The following CHEK2 variants were observed in gnomAD, a reference collection of about 807,000 sequenced individuals.
The protein encoded by CHEK2 is checkpoint kinase 2.
In CHEK2, 71 loss-of-function variants were observed where a neutral mutation model predicts 69.1. That is an observed-to-expected ratio of 1.03 (90% CI 0.85 to 1.25). CHEK2 has a LOEUF of 1.25. Ranked by LOEUF, CHEK2 falls within the 50% of genes most tolerant of loss-of-function variation. The pLI is 0.00. For missense variants in CHEK2, 664 were observed against 649.6 expected, an observed-to-expected ratio of 1.02 and a Z score of -0.24; for synonymous variants, 189 against 226.9, an observed-to-expected ratio of 0.83 and a Z score of 1.50.
At chr22:28,690,455 C>G (rs1159192316) in intron 13 of CHEK2, among the ~76,000 whole-genome samples, 2 of 151,950 alleles carry the variant, frequency 1.3e-5, no homozygotes, top group East Asian at 3.9e-4. Context: ...ATGGTGAAAC[C>G]CCTTCTCTAC....
At chr22:28,690,500 C>T (rs1601706119) in intron 13 of CHEK2, among the ~76,000 whole-genome samples, 1 of 151,904 alleles carries the variant, frequency 6.6e-6, no homozygotes, top group Non-Finnish European at 1.5e-5. Flanking sequence ...TGGTAGTGCA[C>T]GCCTGTAATC....
At chr22:28,740,245 C>T (rs17881056) in intron 1 of CHEK2, among the ~76,000 whole-genome samples, 1,898 of 152,264 alleles carry the variant, frequency 0.012, 47 homozygotes, top group African/African-American at 0.043. Context: ...AATATGTACA[C>T]GCTTTTGTTA....
chr22:28,724,796 C>T (rs527640806), intron 4 of CHEK2, 181 bp downstream of exon 4: 22 of 684,554 alleles, frequency 3.2e-5, no homozygotes, highest in Middle Eastern at 3.9e-4. Flanking sequence ...GAACTCCTGA[C>T]CTCAGGTGAT....
intron 4 of CHEK2, among the ~76,000 whole-genome samples, chr22:28,722,038 T>G (rs2053804827): frequency 1.3e-5 from 2 of 152,110 alleles, no homozygotes; most frequent in East Asian, 1.9e-4. Context: ...CCTATAATTT[T>G]TATTTATCTA....
intron 5 of CHEK2, among the ~76,000 whole-genome samples, chr22:28,714,103 A>G (rs923996211): frequency 6.6e-5 from 10 of 152,304 alleles, no homozygotes; most frequent in African/African-American, 2.4e-4. Flanking sequence ...TATGCCCCAT[A>G]GAGCTCAGAT....
chr22:28,729,422 G>C (rs2054117768), intron 2 of CHEK2: 1 of 158,508 alleles, frequency 6.3e-6, no homozygotes, highest in African/African-American at 2.4e-5. Flanking sequence ...GGCGCCTGTA[G>C]TCCCAGCTAC....
At chr22:28,708,278 G>C (rs897870029) in intron 7 of CHEK2, among the ~76,000 whole-genome samples, 14 of 151,510 alleles carry the variant, frequency 9.2e-5, no homozygotes, top group African/African-American at 2.7e-4. Flanking sequence ...GTATCGCTTG[G>C]TCCCAGGAGT....
chr22:28,723,215 T>C lies in CHEK2; in HGVS notation c.592+1762A>G, dbSNP rs146186930. ...TGAGGCTGATAAACATCTCCACTTG[T>C]GCACGATAACCTTGTAGTATTTACA... On this transcript the variant is annotated intron_variant, in intron 4 of 14. Coordinates refer to ENST00000404276, the MANE Select transcript of CHEK2 (RefSeq NM_007194.4). Among the ~76,000 whole-genome samples, 1,135 of 152,322 alleles carry C rather than the reference T, an allele frequency of 7.5e-3. 16 individuals are homozygous for C. Among genetic ancestry groups the C allele is most frequent in the African/African-American group, 0.026 (1,094 of 41,588 alleles).
chr22:28,699,367 T>TC (rs1464755728), intron 9 of CHEK2, among the ~76,000 whole-genome samples: 7 of 130,204 alleles, frequency 5.4e-5, no homozygotes, highest in East Asian at 4.2e-4. Context: ...TTTTTCTTTT[T>TC]TTTTTTTTTT....
intron 2 of CHEK2, 137 bp downstream of exon 2, chr22:28,734,266 T>C: frequency 3.9e-6 from 3 of 767,938 alleles, no homozygotes; most frequent in Non-Finnish European, 6.6e-6. Flanking sequence ...CATTGCTTGT[T>C]CATGCATGAT....
At chr22:28,733,441 G>A (rs1174349927) in intron 2 of CHEK2, among the ~76,000 whole-genome samples, 1 of 152,178 alleles carries the variant, frequency 6.6e-6, no homozygotes, top group Non-Finnish European at 1.5e-5. Context: ...TGTTGAAAGA[G>A]TAAATGAACA....
intron 9 of CHEK2, among the ~76,000 whole-genome samples, chr22:28,699,509 C>T (rs1342346616): frequency 6.6e-6 from 1 of 151,790 alleles, no homozygotes; most frequent in East Asian, 1.9e-4. Context: ...GGACTACAGG[C>T]ACGCAACACT....
chr22:28,732,514 T>TG (rs1395310408), intron 2 of CHEK2, among the ~76,000 whole-genome samples: 1 of 152,200 alleles, frequency 6.6e-6, no homozygotes, highest in Non-Finnish European at 1.5e-5. Flanking sequence ...CTCAACGTGC[T>TG]GGGATTACAG....
intron 1 of CHEK2, among the ~76,000 whole-genome samples, chr22:28,738,817 A>G (rs1216344569): frequency 6.6e-6 from 1 of 152,212 alleles, no homozygotes; most frequent in East Asian, 1.9e-4. Context: ...TCATCAAGCT[A>G]AAAAGCTTCT....
In CHEK2 at chr22:28,734,620, C is replaced by T. The variant is rs1555932675; in HGVS notation, c.102G>A (p.Gln34=). The part of the protein sequence containing the change: ...SVTQSQGSSS[Q]SQGISSSSTS... Reference sequence around the variant, plus strand: ...TAGAGGAGCTGGATATGCCCTGGGACTGTGAGGAGGAGCCTTGGGACTGGG... The same window carrying T: ...TAGAGGAGCTGGATATGCCCTGGGATTGTGAGGAGGAGCCTTGGGACTGGG... Residue 34 remains glutamine (Q), a synonymous_variant, in exon 2 of 15, where the codon CAG becomes CAA. Transcript: ENST00000404276. 2 of 1,613,780 alleles carry T rather than the reference C, an allele frequency of 1.2e-6. No homozygotes were observed. Among genetic ancestry groups the T allele is most frequent in the Admixed American group, 1.7e-5 (1 of 59,956 alleles).
intron 2 of CHEK2, among the ~76,000 whole-genome samples, chr22:28,732,331 G>A (rs1050383323): frequency 2.6e-5 from 4 of 151,996 alleles, no homozygotes; most frequent in African/African-American, 7.3e-5. Flanking sequence ...GGCTGGTCTC[G>A]AACTCCCGAT....
chr22:28,725,534 C>T (rs974453404), intron 2 of CHEK2, among the ~76,000 whole-genome samples, 167 bp from the exon 3 acceptor site: 3 of 152,132 alleles, frequency 2.0e-5, no homozygotes, highest in Non-Finnish European at 2.9e-5. Flanking sequence ...GAAAAAACAA[C>T]ATTACCAATG....
intron 7 of CHEK2, among the ~76,000 whole-genome samples, chr22:28,705,003 A>T (rs1406893349): frequency 2.0e-5 from 3 of 152,030 alleles, no homozygotes; most frequent in Admixed American, 2.0e-4. Flanking sequence ...GTCAGAAAAG[A>T]CTTCAAAGAG....
chr22:28,696,941 T>G lies in CHEK2; in HGVS notation c.1055A>C (p.Asn352Thr). The change falls in exon 10 of 15, where the codon AAT (asparagine) becomes ACT (threonine). Residue 352 changes from asparagine (N) to threonine (T), a missense_variant. Transcript: ENST00000404276. ...GIIHRDLKPE[N>T]VLLSSQEEDC... ...CTCTTCTTGAGATGACAGTAAAACA[T>G]TCTCTGGCTTTAAGTCACGGTGTAT... is the stretch of plus-strand genomic sequence containing the variant. 6.2e-7 allele frequency: 1 copy of G among 1,613,612 alleles called. No individual in the cohort carries two copies. Among genetic ancestry groups the G allele is most frequent in the Non-Finnish European group, 8.5e-7 (1 of 1,179,566 alleles).
Sources: allele counts gnomAD v4.1 joint callset (sites outside exome capture counted in the v4.1 genomes callset), GRCh38; gene constraint gnomAD v4.1.1; transcripts MANE v1.5; gene names NCBI Gene and HGNC (gene_info 2026-07-23, HGNC 2026-07-21).